The following LSAMP variants were observed in gnomAD, a reference collection of about 807,000 sequenced individuals.
The protein encoded by LSAMP is limbic system-associated membrane protein.
Under a neutral mutation model 38.6 loss-of-function variants are expected in LSAMP, and 7 were observed. The ratio of observed to expected loss-of-function variants is 0.18; its 90% confidence interval spans 0.10 to 0.34. The LOEUF is 0.34. LSAMP is among the 10% of genes least tolerant of loss of function. The pLI is 1.00. For missense variants in LSAMP, 313 were observed against 420.0 expected, an observed-to-expected ratio of 0.75 and a Z score of 2.23; for synonymous variants, 154 against 166.8, an observed-to-expected ratio of 0.92 and a Z score of 0.59.
intron 6 of LSAMP, among the ~76,000 whole-genome samples, chr3:115,835,233 C>T (rs1934745901): frequency 6.6e-6 from 1 of 152,094 alleles, no homozygotes; most frequent in Admixed American, 6.5e-5. Context: ...TACATTCTTA[C>T]CCGAAATTTG....
In LSAMP at chr3:116,282,481, G is replaced by A. The variant is rs77287513; in HGVS notation, c.155+162396C>T. Among the ~76,000 whole-genome samples, 16 of 152,042 alleles carry A rather than the reference G, an allele frequency of 1.1e-4. No homozygotes were observed. In the East Asian group the frequency reaches 2.5e-3, roughly 24 times the overall value. On this transcript the variant is annotated intron_variant, in intron 1 of 6. Coordinates refer to ENST00000490035, the MANE Select transcript of LSAMP (RefSeq NM_002338.5). ...GTTCTTTTCTTTGAAGCATCTCCTT[G>A]TGAAACACGTAGTTGTGATATACCT...
At chr3:116,312,761 T>C (rs1372002608) in intron 1 of LSAMP, among the ~76,000 whole-genome samples, 2 of 152,124 alleles carry the variant, frequency 1.3e-5, no homozygotes, top group African/African-American at 2.4e-5. Context: ...AATACAGCAA[T>C]GATGTATGCA....
intron 3 of LSAMP, among the ~76,000 whole-genome samples, chr3:115,980,599 C>T (rs567022514): frequency 5.3e-4 from 80 of 152,232 alleles, no homozygotes; most frequent in African/African-American, 1.4e-3. Flanking sequence ...TGAAATACAG[C>T]AAGTTGACAA....
chr3:116,430,404 T>G (rs2049265117), intron 1 of LSAMP, among the ~76,000 whole-genome samples: 1 of 152,160 alleles, frequency 6.6e-6, no homozygotes, highest in Non-Finnish European at 1.5e-5. Context: ...ATATAAGTAC[T>G]AGCAGAGACC....
intron 3 of LSAMP, among the ~76,000 whole-genome samples, chr3:115,996,640 T>A (rs1219524049): frequency 6.6e-6 from 1 of 152,036 alleles, no homozygotes; most frequent in East Asian, 1.9e-4. Flanking sequence ...CTGGTATGGA[T>A]GTGGGGAAAA....
At chr3:116,406,505 T>A (rs2048899830) in intron 1 of LSAMP, among the ~76,000 whole-genome samples, 1 of 152,120 alleles carries the variant, frequency 6.6e-6, no homozygotes, top group African/African-American at 2.4e-5. Context: ...TTTACTCTGC[T>A]GTCTTACATT....
intron 1 of LSAMP, among the ~76,000 whole-genome samples, chr3:116,131,650 C>T (rs1709136958): frequency 6.6e-6 from 1 of 152,000 alleles, no homozygotes; most frequent in African/African-American, 2.4e-5. Context: ...TGCAGATACC[C>T]CTCCATTTTT....
At chr3:116,078,937 T>A (rs147403932) in intron 2 of LSAMP, among the ~76,000 whole-genome samples, 40 of 152,274 alleles carry the variant, frequency 2.6e-4, no homozygotes, top group African/African-American at 9.1e-4. Context: ...ATTAGGTATA[T>A]GAATTGCTAC....
intron 3 of LSAMP, among the ~76,000 whole-genome samples, chr3:115,969,181 G>A (rs879896853): frequency 2.6e-5 from 4 of 152,304 alleles, no homozygotes; most frequent in Non-Finnish European, 5.9e-5. Context: ...TTATAAAGGT[G>A]CTTTCATGTG....
At chr3:116,424,663 A>G (rs2049171513) in intron 1 of LSAMP, among the ~76,000 whole-genome samples, 1 of 152,176 alleles carries the variant, frequency 6.6e-6, no homozygotes, top group South Asian at 2.1e-4. Context: ...TGGATTAAAT[A>G]CCACATTACT....
chr3:116,284,644 TG>T (rs1314385147), intron 1 of LSAMP, among the ~76,000 whole-genome samples: 8 of 152,204 alleles, frequency 5.3e-5, no homozygotes, highest in Non-Finnish European at 8.8e-5. Context: ...TTGGTATTGA[TG>T]GAAGGATAAA....
chr3:116,193,358 T>C (rs1710800401), intron 1 of LSAMP, among the ~76,000 whole-genome samples: 1 of 152,130 alleles, frequency 6.6e-6, no homozygotes, highest in Admixed American at 6.5e-5. Flanking sequence ...ATCTATGGAG[T>C]TATTTGTCAT....
intron 1 of LSAMP, among the ~76,000 whole-genome samples, chr3:116,444,348 A>ATGTGTGTGTGTG (rs143050946): frequency 6.9e-6 from 1 of 144,538 alleles, no homozygotes; most frequent in Non-Finnish European, 1.5e-5. Flanking sequence ...CAACCTTGAT[A>ATGTGTGTGTGTG]TGTGTGTGTG....
At chr3:116,420,810 G>A (rs2049112163) in intron 1 of LSAMP, among the ~76,000 whole-genome samples, 1 of 152,178 alleles carries the variant, frequency 6.6e-6, no homozygotes, top group African/African-American at 2.4e-5. Context: ...CCGGGAGGCA[G>A]AGGTCACAGT....
chr3:115,878,053 A>C (rs1936228991), intron 3 of LSAMP, among the ~76,000 whole-genome samples: 1 of 151,490 alleles, frequency 6.6e-6, no homozygotes, highest in South Asian at 2.1e-4. Context: ...ATACGCGGAG[A>C]CACGATTGTT....
intron 1 of LSAMP, among the ~76,000 whole-genome samples, chr3:116,090,343 T>C (rs1468949531): frequency 6.6e-6 from 1 of 152,132 alleles, no homozygotes; most frequent in East Asian, 1.9e-4. Flanking sequence ...CACCTGGCTA[T>C]CTGGAAATAA....
intron 1 of LSAMP, among the ~76,000 whole-genome samples, chr3:116,120,968 A>G (rs1660744802): frequency 1.3e-5 from 2 of 152,140 alleles, no homozygotes; most frequent in Admixed American, 1.3e-4. Context: ...AATGTCAACA[A>G]TTTCAGGTGG....
intron 3 of LSAMP, among the ~76,000 whole-genome samples, chr3:115,983,643 G>T (rs1241391015): frequency 6.6e-6 from 1 of 152,168 alleles, no homozygotes; most frequent in Non-Finnish European, 1.5e-5. Flanking sequence ...ACTATTTACA[G>T]AAAGGTCTGC....
In LSAMP at chr3:115,808,595, T is replaced by C. The variant is rs143354809; in HGVS notation, c.*1722A>G. ...AGTGTTAATGTCAAGATGACTCTTA[T>C]AGATGTAAATTTAAATAGAGCAGGG... is the stretch of plus-strand genomic sequence containing the variant. On this transcript the variant is annotated 3_prime_UTR_variant, in exon 7 of 7. Transcript: ENST00000490035. 1.2e-4 allele frequency: 19 copies of C among 152,296 alleles called. No homozygotes were observed. The highest frequency in any genetic ancestry group is 3.8e-4 in the African/African-American group (16 of 41,576). The allele number at this position is 152,296 out of a possible 1,614,324, so 9.4% of individuals were successfully genotyped here.
Sources: gnomAD v4.1 joint callset for allele counts (sites outside exome capture counted in the v4.1 genomes callset) on GRCh38, gnomAD v4.1.1 for gene constraint, MANE v1.5 for transcripts, NCBI Gene and HGNC (gene_info 2026-07-23, HGNC 2026-07-21) for gene names.